TMEM132B: variants seen among roughly 807,000 people sequenced by gnomAD.
TMEM132B encodes transmembrane protein 132B.
A neutral mutation model predicts 90.8 loss-of-function variants in TMEM132B; 18 were observed. That is an observed-to-expected ratio of 0.20 (90% confidence interval 0.14 to 0.29). The LOEUF is 0.29. TMEM132B is among the 10% of genes least tolerant of loss of function. The pLI is 1.00. For missense variants in TMEM132B, 1,096 were observed against 1,326.8 expected, an observed-to-expected ratio of 0.83 and a Z score of 2.70; for synonymous variants, 504 against 523.3, an observed-to-expected ratio of 0.96 and a Z score of 0.50.
chr12:125,486,929 AT>A (rs1177706297), intron 3 of TMEM132B, among the ~76,000 whole-genome samples: 1 of 152,218 alleles, frequency 6.6e-6, no homozygotes, highest in African/African-American at 2.4e-5. Flanking sequence ...ACCTCAAGGA[AT>A]GTATGCAGAC....
intron 6 of TMEM132B, among the ~76,000 whole-genome samples, chr12:125,647,914 T>TTA (rs56314486): frequency 2.0e-5 from 3 of 149,546 alleles, no homozygotes; most frequent in Non-Finnish European, 3.0e-5. Flanking sequence ...TTTTTTTTTT[T>TTA]AATTATACTT....
intron 4 of TMEM132B, among the ~76,000 whole-genome samples, chr12:125,568,613 C>T (rs180927264): frequency 6.6e-5 from 10 of 152,342 alleles, no homozygotes; most frequent in Admixed American, 3.3e-4. Context: ...TGGATAGAAT[C>T]TCCTCAAGTG....
At chr12:125,513,387 A>G (rs1214385562) in intron 3 of TMEM132B, among the ~76,000 whole-genome samples, 2 of 152,172 alleles carry the variant, frequency 1.3e-5, no homozygotes, top group African/African-American at 4.8e-5. Flanking sequence ...TGCGTGTGCG[A>G]GAGAGTATCA....
At position 125,644,108 on chromosome 12, in the gene TMEM132B, T is replaced by C. The variant is rs1886698007; in HGVS notation, c.1470T>C (p.Asn490=). ...VSNNCDSIFV[N]GKEMKSKVDT... ...ACAACTGTGATTCCATTTTTGTGAA[T>C]GGGAAGGAAATGAAGAGCAAAGTGG... The change falls in exon 6 of 9, where the codon AAT becomes AAC. Residue 490 remains asparagine (N), a synonymous_variant. Transcript: ENST00000682704. The C allele has an allele frequency of 6.2e-7, 1 of 1,614,100 alleles. No individual in the cohort carries two copies. Among genetic ancestry groups the C allele is most frequent in the Admixed American group, 1.7e-5 (1 of 60,000 alleles).
In TMEM132B at chr12:125,408,610, G is replaced by C. The variant is rs1203434073; in HGVS notation, c.960-6921G>C. Among the ~76,000 whole-genome samples, 1 of 152,184 alleles carries C rather than the reference G, an allele frequency of 6.6e-6. No homozygotes were observed. Among genetic ancestry groups the C allele is most frequent in the East Asian group, 1.9e-4 (1 of 5,192 alleles). On this transcript the variant is annotated intron_variant, in intron 2 of 8. Transcript: ENST00000682704. This position sits in a 1 kb window ranked among gnomAD's most constrained non-coding sequence, Gnocchi z 5.9. ...TTGTGGTATTTTGTTAGACTGTCCC[G>C]AACAGATTAAGGCAATGAGCATTTT...
intron 4 of TMEM132B, among the ~76,000 whole-genome samples, chr12:125,525,036 G>A (rs890628838): frequency 1.3e-5 from 2 of 152,116 alleles, no homozygotes; most frequent in African/African-American, 4.8e-5. Context: ...GTAATGAGTA[G>A]GAGCAAGAGC....
At chr12:125,623,407 G>C (rs1478750277) in intron 5 of TMEM132B, among the ~76,000 whole-genome samples, 3 of 152,060 alleles carry the variant, frequency 2.0e-5, no homozygotes, top group Non-Finnish European at 4.4e-5. Context: ...ATGTGGTTTG[G>C]ACAGGGCTTT....
chr12:125,265,540 AAGGG>A (rs1874671344), intron 1 of TMEM132B, among the ~76,000 whole-genome samples: 1 of 152,162 alleles, frequency 6.6e-6, no homozygotes, highest in African/African-American at 2.4e-5. Flanking sequence ...AGCAAGGAAA[AAGGG>A]AGACTACTGT....
chr12:125,649,684 C>T (rs889879334), intron 6 of TMEM132B, among the ~76,000 whole-genome samples: 1 of 152,170 alleles, frequency 6.6e-6, no homozygotes, highest in African/African-American at 2.4e-5. Context: ...CACTCCCCTT[C>T]CCCCCTTCTC....
intron 2 of TMEM132B, among the ~76,000 whole-genome samples, chr12:125,386,002 G>C (rs896334319): frequency 6.6e-6 from 1 of 152,056 alleles, no homozygotes; most frequent in Non-Finnish European, 1.5e-5. Flanking sequence ...TTGTTTGTTT[G>C]TTTGTTTTGA....
chr12:125,491,016 C>T (rs1320873722), intron 3 of TMEM132B, among the ~76,000 whole-genome samples: 1 of 152,124 alleles, frequency 6.6e-6, no homozygotes, highest in Non-Finnish European at 1.5e-5. Context: ...GGTGTGCCAT[C>T]TTGGAAGTGG....
chr12:125,524,779 AAAAGGAGGAGG>A (rs1469280471), intron 4 of TMEM132B, among the ~76,000 whole-genome samples: 1 of 152,124 alleles, frequency 6.6e-6, no homozygotes, highest in Non-Finnish European at 1.5e-5. Flanking sequence ...CCTCTTGGAG[AAAAGGAGGAGG>A]AAAGGAGGCT....
intron 3 of TMEM132B, among the ~76,000 whole-genome samples, chr12:125,423,936 A>G (rs1880240106): frequency 6.6e-6 from 1 of 152,232 alleles, no homozygotes; most frequent in African/African-American, 2.4e-5. Flanking sequence ...CTTTACAAAA[A>G]TTGGTCAAAG....
chr12:125,364,430 A>G (rs1878062502), intron 2 of TMEM132B, among the ~76,000 whole-genome samples: 1 of 152,174 alleles, frequency 6.6e-6, no homozygotes. Flanking sequence ...CTATCAATCT[A>G]TCTCTTCATC....
intron 6 of TMEM132B, 34 bp from the exon 7 acceptor site, chr12:125,650,649 A>G (rs3803152): frequency 0.48 from 756,963 of 1,590,636 alleles, 185,476 homozygotes; most frequent in African/African-American, 0.75. Context: ...TTAACAATGA[A>G]GACTTTGTTC....
At chr12:125,494,274 CTG>C (rs1882454183) in intron 3 of TMEM132B, among the ~76,000 whole-genome samples, 2 of 113,236 alleles carry the variant, frequency 1.8e-5, no homozygotes, top group Admixed American at 1.8e-4. Context: ...CTGGAAATGG[CTG>C]CATCCCTCCT....
At chr12:125,432,368 T>C (rs12827016) in intron 3 of TMEM132B, among the ~76,000 whole-genome samples, 1 of 50,318 alleles carries the variant, frequency 2.0e-5, no homozygotes, top group Non-Finnish European at 3.4e-5. Flanking sequence ...ATTCCTTGAA[T>C]ATATATATAT....
intron 1 of TMEM132B, among the ~76,000 whole-genome samples, chr12:125,264,564 G>A (rs777347077): frequency 5.3e-5 from 8 of 152,198 alleles, no homozygotes; most frequent in African/African-American, 9.7e-5. Context: ...ACTGTTTTGG[G>A]TGGGAGGAAC....
chr12:125,540,315 G>A (rs1165204937), intron 4 of TMEM132B, among the ~76,000 whole-genome samples: 1 of 152,166 alleles, frequency 6.6e-6, no homozygotes, highest in Non-Finnish European at 1.5e-5. Context: ...ATAAATGTCA[G>A]TTGGTCAAGG....
Sources: gnomAD v4.1 joint callset for allele counts (sites outside exome capture counted in the v4.1 genomes callset) on GRCh38, gnomAD v4.1.1 for gene constraint, Gnocchi (gnomAD v3.1) non-coding constraint, MANE v1.5 for transcripts, NCBI Gene and HGNC (gene_info 2026-07-23, HGNC 2026-07-21) for gene names.